LZTFL1: variants seen among roughly 807,000 people sequenced by gnomAD.
LZTFL1 encodes the protein leucine zipper transcription factor like 1, also known as leucine zipper transcription factor-like protein 1.
In LZTFL1, 25 loss-of-function variants were observed where a neutral mutation model predicts 45.9. The ratio of observed to expected loss-of-function variants is 0.54; its 90% confidence interval spans 0.40 to 0.76. The LOEUF (loss-of-function observed/expected upper bound fraction) is 0.76, where lower values mean the gene tolerates loss of function less well. Among genes scored for constraint, LZTFL1 ranks in the 30% least tolerant of loss-of-function variants. The pLI is 0.00. For missense variants in LZTFL1, 277 were observed against 331.1 expected (o/e 0.84, Z 1.27); for synonymous variants, 93 against 117.4 (o/e 0.79, Z 1.35).
intron 2 of LZTFL1, among the ~76,000 whole-genome samples, chr3:45,899,184 A>C (rs1702466383): frequency 6.6e-6 from 1 of 152,230 alleles, no homozygotes; most frequent in African/African-American, 2.4e-5. Flanking sequence ...ACAAACAAAT[A>C]AATAAAACAA....
rs372824392 is a variant in LZTFL1 at position 45,830,928 on chromosome 3, A to C, written c.585T>G (p.Asp195Glu). ...LEKALQDLQL[D>E]QGNQKDFIKA... ...CTTGTTTCACCTTTTGATTTCCTTG[A>C]TCAAGCTGTAAATCTTGCAGTGCTT... The change falls in exon 7 of 10, where the codon GAT (aspartate) becomes GAG (glutamate). Residue 195 changes from aspartate to glutamate, a missense_variant. Asp to Glu is a conservative substitution (Grantham distance 45). Coordinates refer to ENST00000296135, the MANE Select transcript of LZTFL1 (RefSeq NM_020347.4). 2.4e-5 allele frequency: 38 copies of C among 1,613,862 alleles called. No individual in the cohort carries two copies. Among genetic ancestry groups the C allele is most frequent in the Non-Finnish European group, 3.1e-5 (37 of 1,179,890 alleles).
chr3:45,911,708 C>T (rs1702798196), intron 2 of LZTFL1, among the ~76,000 whole-genome samples: 1 of 152,234 alleles, frequency 6.6e-6, no homozygotes, highest in African/African-American at 2.4e-5. Context: ...TGGCTTCCTC[C>T]CAGGCCCTCC....
Position 45,828,480 on chromosome 3 carries a change from C to A in LZTFL1, c.736G>T (p.Asp246Tyr), listed in dbSNP as rs1129183. 2.5e-6 allele frequency: 4 copies of A among 1,614,012 alleles called. No homozygotes were observed. The highest frequency in any genetic ancestry group is 2.2e-5 in the East Asian group (1 of 44,900). Residue 246 changes from aspartate to tyrosine, a missense_variant, in exon 8 of 10, where the codon GAT (aspartate) becomes TAT (tyrosine). Transcript: ENST00000296135. ...AGCTGCTCCTGAACCCTGAGTAGAT[C>A]GTGCTTGGCTGTCGCCAGATTCTCC... ...LEENLATAKH[D>Y]LLRVQEQLHM...
At chr3:45,860,264 AT>A (rs1053573220) in intron 2 of LZTFL1, among the ~76,000 whole-genome samples, 239 of 150,256 alleles carry the variant, frequency 1.6e-3, no homozygotes, top group Middle Eastern at 6.8e-3. Flanking sequence ...ACTTGCAAGA[AT>A]TTTTTTTTTC....
At chr3:45,840,429 G>T (rs763135651) in intron 1 of LZTFL1, among the ~76,000 whole-genome samples, 1 of 152,144 alleles carries the variant, frequency 6.6e-6, no homozygotes, top group East Asian at 1.9e-4. Flanking sequence ...CCAGGTTTAG[G>T]TCTAGCTATG....
chr3:45,850,858 C>T (rs948792874), intron 4 of LZTFL1, among the ~76,000 whole-genome samples: 8 of 152,254 alleles, frequency 5.3e-5, no homozygotes, highest in South Asian at 2.1e-4. Context: ...CTCTGCTGCT[C>T]CCTCTTCTCC....
At chr3:45,832,983 T>C (rs1441735651) in intron 5 of LZTFL1, 67 bp downstream of exon 5, 1 of 1,220,620 alleles carries the variant, frequency 8.2e-7, no homozygotes, top group East Asian at 2.3e-5. Context: ...TCCACTTCTG[T>C]TTCTCCACCC....
intron 2 of LZTFL1, chr3:45,883,533 A>G (rs1236707623): frequency 8.5e-6 from 2 of 236,600 alleles, no homozygotes; most frequent in South Asian, 1.5e-4. Flanking sequence ...CTGTCCACCA[A>G]TGGATTTATC....
rs762591532 is a variant in LZTFL1, at chr3:45,834,253, T to G, written c.369A>C (p.Thr123=). The G allele has an allele frequency of 1.9e-6, 3 of 1,594,056 alleles. No individual in the cohort carries two copies. The African/African-American group carries it at 4.0e-5, about 21-fold the overall frequency. The part of the protein sequence containing the change: ...QVAEFEKAEI[T]SSNKKPILDV... ...AAAAAGTTACCTTTTTGTTTGAAGA[T>G]GTAATCTCTGCTTTTTCAAATTCTG... is the stretch of plus-strand genomic sequence containing the variant. The change falls in exon 4 of 10, where the codon ACA becomes ACC. Residue 123 remains threonine (T), a synonymous_variant. Transcript: ENST00000296135.
At chr3:45,842,789 C>G (rs1701153357), upstream of LZTFL1, among the ~76,000 whole-genome samples, 1 of 152,188 alleles carries the variant, frequency 6.6e-6, no homozygotes. Flanking sequence ...TCCAGAAATT[C>G]TGATTCACAA....
chr3:45,827,221 C>T lies in LZTFL1; in HGVS notation c.881+135G>A, dbSNP rs188881523. On this transcript the variant is annotated intron_variant, in intron 9 of 9. Coordinates refer to ENST00000296135, the MANE Select transcript of LZTFL1 (RefSeq NM_020347.4). ...GTCAGGCCAGAGCTCCTCCACTTTC[C>T]TCAAATGAAGGCTTCTGGACTAAAT... The T allele has an allele frequency of 8.0e-4, 566 of 704,470 alleles. 2 individuals carry two copies. In the Middle Eastern group the frequency reaches 0.01, roughly 13 times the overall value. 43.6% of individuals were successfully genotyped at this position (704,470 alleles called of 1,614,324 possible). A position where few individuals can be genotyped will look rare whatever the true frequency, so the allele number is the denominator to read the frequency against.
chr3:45,895,965 G>A (rs1193559009), intron 2 of LZTFL1, among the ~76,000 whole-genome samples: 1 of 152,148 alleles, frequency 6.6e-6, no homozygotes, highest in African/African-American at 2.4e-5. Context: ...AGTACATTGT[G>A]GGTTTCCATG....
upstream of LZTFL1, among the ~76,000 whole-genome samples, chr3:45,845,905 G>A (rs2125698454): frequency 6.6e-6 from 1 of 152,300 alleles, no homozygotes; most frequent in Middle Eastern, 3.4e-3. Context: ...GAAAAATAAA[G>A]TGAACTCAAA....
chr3:45,874,262 A>C (rs1418123971), intron 2 of LZTFL1, among the ~76,000 whole-genome samples: 1 of 152,160 alleles, frequency 6.6e-6, no homozygotes, highest in Non-Finnish European at 1.5e-5. Flanking sequence ...CACTGAAAAA[A>C]TCTGCGTGCT....
intron 4 of LZTFL1, among the ~76,000 whole-genome samples, chr3:45,847,265 C>A (rs11916880): frequency 0.068 from 10,334 of 152,276 alleles, 501 homozygotes; most frequent in East Asian, 0.26. Context: ...TTTTCTCCAG[C>A]TATTGTTTCA....
At chr3:45,866,946 G>A (rs1486539736) in intron 2 of LZTFL1, among the ~76,000 whole-genome samples, 1 of 151,862 alleles carries the variant, frequency 6.6e-6, no homozygotes, top group Non-Finnish European at 1.5e-5. Context: ...TCAGGAGTTC[G>A]AGACCAGCCT....
chr3:45,882,450 C>T (rs1458141728), intron 2 of LZTFL1, among the ~76,000 whole-genome samples: 1 of 152,150 alleles, frequency 6.6e-6, no homozygotes, highest in Non-Finnish European at 1.5e-5. Flanking sequence ...ATGACTTTCC[C>T]AGTATGTACA....
chr3:45,875,955 T>C (rs1701743972), intron 2 of LZTFL1, among the ~76,000 whole-genome samples: 1 of 152,226 alleles, frequency 6.6e-6, no homozygotes, highest in Non-Finnish European at 1.5e-5. Flanking sequence ...TTGAAATTAG[T>C]TGAATCCCAG....
intron 2 of LZTFL1, among the ~76,000 whole-genome samples, chr3:45,908,763 T>A (rs947230700): frequency 2.6e-5 from 4 of 152,228 alleles, no homozygotes; most frequent in African/African-American, 9.6e-5. Context: ...CATGTTCTTT[T>A]CTTTTTAAAC....
Sources: allele counts gnomAD v4.1 joint callset (sites outside exome capture counted in the v4.1 genomes callset), GRCh38; gene constraint gnomAD v4.1.1; transcripts MANE v1.5; gene names NCBI Gene and HGNC (gene_info 2026-07-23, HGNC 2026-07-21).